PAK1: variants seen among roughly 807,000 people sequenced by gnomAD.
The protein encoded by PAK1 is serine/threonine-protein kinase PAK 1.
In PAK1, 29 loss-of-function variants were observed where a neutral mutation model predicts 67.4. That is an observed-to-expected ratio of 0.43 (90% CI 0.32 to 0.59). The LOEUF is 0.59. Among genes scored for constraint, PAK1 ranks in the 20% least tolerant of loss-of-function variants. PAK1 has a pLI of 0.07. For synonymous variants in PAK1, 223 were observed against 237.4 expected (o/e 0.94, Z 0.56); for missense variants, 337 against 670.7 (o/e 0.50, Z 5.50).
In PAK1 at chr11:77,429,056, TAAAAAAAAAAAAAAAAAAA is replaced by T. The variant is rs566874549; in HGVS notation, c.-21-36534_-21-36516del. Among the ~76,000 whole-genome samples the T allele has an allele frequency of 1.0e-3, 50 of 48,998 alleles. 1 individual carries two copies. Among genetic ancestry groups the T allele is most frequent in the Non-Finnish European group, 1.0e-3 (32 of 31,498 alleles). 32.1% of individuals were successfully genotyped at this position (48,998 alleles called of 152,430 possible). The stretch of plus-strand genomic sequence containing the variant: ...TTGGATTCTAAATGCCATTTAATAC[TAAAAAAAAAAAAAAAAAAA>T]AAAAAAAAAAAAAAAAAAACACACA... On this transcript the variant is annotated intron_variant, in intron 1 of 14. Transcript: ENST00000356341.
chr11:77,355,884 T>C, intron 6 of PAK1, 42 bp from the exon 7 acceptor site: 1 of 1,336,342 alleles, frequency 7.5e-7, no homozygotes, highest in Non-Finnish European at 1.1e-6. Flanking sequence ...CAGCCTTTGT[T>C]AGCATAGGGG....
At chr11:77,424,345 G>A (rs1285612603) in intron 1 of PAK1, among the ~76,000 whole-genome samples, 1 of 152,218 alleles carries the variant, frequency 6.6e-6, no homozygotes, top group African/African-American at 2.4e-5. Context: ...CTAGGTCACT[G>A]CCTATGCCCC....
chr11:77,484,268 C>T, the PAK1 span, among the ~76,000 whole-genome samples: 5 of 149,574 alleles, frequency 3.3e-5, no homozygotes, highest in Admixed American at 6.6e-5. Flanking sequence ...AAGTAGAGAT[C>T]AGAGACAAGG....
chr11:77,336,339 A>G, intron 12 of PAK1, 57 bp from the exon 13 acceptor site: 8 of 1,308,600 alleles, frequency 6.1e-6, no homozygotes, highest in Admixed American at 1.8e-5. Context: ...TCACTTCAGT[A>G]AGTGTTGACT....
chr11:77,413,368 TAA>T (rs2138079317), intron 1 of PAK1, among the ~76,000 whole-genome samples: 1 of 152,318 alleles, frequency 6.6e-6, no homozygotes, highest in Admixed American at 6.5e-5. Flanking sequence ...GCCTATTTTC[TAA>T]AGACACAGCT....
At chr11:77,444,365 G>A (rs1262929842) in intron 1 of PAK1, among the ~76,000 whole-genome samples, 1 of 151,782 alleles carries the variant, frequency 6.6e-6, no homozygotes, top group African/African-American at 2.4e-5. Flanking sequence ...TTGGTCCAGG[G>A]TGGGACGTGG....
intron 1 of PAK1, among the ~76,000 whole-genome samples, chr11:77,415,473 T>C (rs1262587803): frequency 1.3e-5 from 2 of 152,198 alleles, no homozygotes; most frequent in Non-Finnish European, 1.5e-5. Flanking sequence ...CTAGCCTATA[T>C]GGTATAGCCT....
intron 7 of PAK1, 141 bp downstream of exon 7, chr11:77,355,527 G>C: frequency 1.5e-6 from 1 of 673,608 alleles, no homozygotes; most frequent in Non-Finnish European, 2.6e-6. Flanking sequence ...GAGGTTCAGG[G>C]GCAGGGTGAG....
intron 10 of PAK1, among the ~76,000 whole-genome samples, chr11:77,343,361 G>C (rs1943929115): frequency 6.6e-6 from 1 of 151,978 alleles, no homozygotes; most frequent in Non-Finnish European, 1.5e-5. Context: ...AAATCATTAA[G>C]CTGTGTTGAG....
At chr11:77,406,818 A>G (rs540812514) in intron 1 of PAK1, among the ~76,000 whole-genome samples, 8 of 152,288 alleles carry the variant, frequency 5.3e-5, no homozygotes, top group Non-Finnish European at 1.0e-4. Context: ...TATCAACACC[A>G]AGATTTACTA....
intron 1 of PAK1, among the ~76,000 whole-genome samples, chr11:77,426,843 A>T (rs1261296750): frequency 1.3e-5 from 1 of 79,836 alleles, no homozygotes; most frequent in Non-Finnish European, 3.4e-5. Flanking sequence ...GCAATCTTTA[A>T]AAAAAAAAAA....
intron 1 of PAK1, among the ~76,000 whole-genome samples, chr11:77,442,794 GC>G (rs1956413001): frequency 6.6e-6 from 1 of 152,098 alleles, no homozygotes; most frequent in South Asian, 2.1e-4. Context: ...ACATCAGAAA[GC>G]CCCGATCATG....
At chr11:77,360,370 G>A (rs1946620370) in intron 5 of PAK1, among the ~76,000 whole-genome samples, 1 of 152,184 alleles carries the variant, frequency 6.6e-6, no homozygotes, top group African/African-American at 2.4e-5. Flanking sequence ...AGGAAGAGGA[G>A]TGTTATAATT....
intron 1 of PAK1, among the ~76,000 whole-genome samples, chr11:77,453,053 G>A (rs1435953989): frequency 6.6e-6 from 1 of 152,076 alleles, no homozygotes. Context: ...AGGAAGAAGT[G>A]GGATATATAA....
intron 8 of PAK1, chr11:77,349,580 T>C: frequency 2.6e-6 from 1 of 378,056 alleles, no homozygotes; most frequent in Non-Finnish European, 5.0e-6. Flanking sequence ...TTTCCTCATT[T>C]GTAAAGTGGA....
chr11:77,344,678 G>T (rs1944133984), intron 9 of PAK1, among the ~76,000 whole-genome samples: 1 of 152,160 alleles, frequency 6.6e-6, no homozygotes, highest in Admixed American at 6.5e-5. Context: ...TTTCAGAGAG[G>T]ATGTGACTTG....
chr11:77,330,730 G>A (rs1198863131), intron 14 of PAK1, among the ~76,000 whole-genome samples: 1 of 152,112 alleles, frequency 6.6e-6, no homozygotes, highest in Non-Finnish European at 1.5e-5. Context: ...CATGGGCAAG[G>A]ACTTCATGTC....
At chr11:77,373,232 C>G (rs1202013239) in intron 5 of PAK1, among the ~76,000 whole-genome samples, 3 of 152,046 alleles carry the variant, frequency 2.0e-5, no homozygotes, top group African/African-American at 7.2e-5. Context: ...GAGACAACAT[C>G]AGATGTAAAA....
chr11:77,380,003 GA>G lies in PAK1; in HGVS notation c.191-10del. The G allele has an allele frequency of 1.3e-6, 2 of 1,598,290 alleles. No homozygotes were observed. The highest frequency in any genetic ancestry group is 1.3e-5 in the African/African-American group (1 of 74,658). ...CTCTTTCTTTTTATTTGCTGCAAGA[GA>G]AACAGGCAAAAGGAAATAAAAAACA... On this transcript the variant is annotated splice_polypyrimidine_tract_variant and intron_variant, in intron 2 of 14. Transcript: ENST00000356341.
Sources: gnomAD v4.1 joint callset for allele counts (sites outside exome capture counted in the v4.1 genomes callset) on GRCh38, gnomAD v4.1.1 for gene constraint, MANE v1.5 for transcripts, NCBI Gene and HGNC (gene_info 2026-07-23, HGNC 2026-07-21) for gene names.